COPS4: variants seen among roughly 807,000 people sequenced by gnomAD.
COPS4 encodes the protein COP9 signalosome complex subunit 4.
Under a neutral mutation model 55.1 loss-of-function variants are expected in COPS4, and 8 were observed. That is an observed-to-expected ratio of 0.15 (90% confidence interval 0.09 to 0.26). The LOEUF (loss-of-function observed/expected upper bound fraction) is 0.26. COPS4 is among the 10% of genes least tolerant of loss of function. The probability of loss-of-function intolerance (pLI) is 1.00; values close to 1 mark genes in which losing one functional copy is unlikely to be tolerated. For missense variants in COPS4, 248 were observed against 484.0 expected (o/e 0.51, Z 4.58); for synonymous variants, 185 against 165.7 (o/e 1.12, Z -0.90).
chr4:83,069,272 A>G (rs1731361716), intron 9 of COPS4, among the ~76,000 whole-genome samples: 1 of 151,962 alleles, frequency 6.6e-6, no homozygotes, highest in Non-Finnish European at 1.5e-5. Flanking sequence ...GAACTTTTCC[A>G]CTTGCAAAAT....
chr4:83,048,888 G>A (rs146422000), intron 2 of COPS4, among the ~76,000 whole-genome samples: 3,008 of 152,090 alleles, frequency 0.02, 107 homozygotes, highest in African/African-American at 0.069. Flanking sequence ...GTCGTGATCT[G>A]CCTGCCTCGG....
intron 6 of COPS4, among the ~76,000 whole-genome samples, chr4:83,059,876 A>AT (rs1731114445): frequency 1.3e-5 from 2 of 150,870 alleles, no homozygotes; most frequent in Admixed American, 6.6e-5. Flanking sequence ...AATTTTTTGT[A>AT]TTTTTTAGTA....
At chr4:83,053,335 A>G (rs921869726) in intron 4 of COPS4, among the ~76,000 whole-genome samples, 4 of 152,230 alleles carry the variant, frequency 2.6e-5, no homozygotes, top group African/African-American at 9.6e-5. Context: ...TGACAGCAAG[A>G]GAGGGACAAG....
At chr4:83,045,133 T>G (rs1347117769) in intron 1 of COPS4, among the ~76,000 whole-genome samples, 1 of 152,240 alleles carries the variant, frequency 6.6e-6, no homozygotes, top group African/African-American at 2.4e-5. Context: ...CTGGTCAACA[T>G]TATCCTATTG....
At chr4:83,052,730 G>A (rs1283918705) in intron 4 of COPS4, among the ~76,000 whole-genome samples, 3 of 152,108 alleles carry the variant, frequency 2.0e-5, no homozygotes, top group Admixed American at 6.6e-5. Context: ...GGGACTACAG[G>A]TGCACACCAC....
chr4:83,057,476 G>A, intron 6 of COPS4, 68 bp downstream of exon 6: 1 of 1,356,248 alleles, frequency 7.4e-7, no homozygotes, highest in Non-Finnish European at 9.9e-7. Context: ...GTTGGTTACT[G>A]TTGGAAAATT....
intron 6 of COPS4, among the ~76,000 whole-genome samples, chr4:83,061,152 T>G (rs140020508): frequency 7.1e-4 from 108 of 152,284 alleles, no homozygotes; most frequent in Admixed American, 2.4e-3. Flanking sequence ...TTTCCTTTTT[T>G]GTACTTTTAT....
intron 4 of COPS4, among the ~76,000 whole-genome samples, chr4:83,055,460 T>C (rs1255998254): frequency 6.6e-6 from 1 of 151,940 alleles, no homozygotes; most frequent in Admixed American, 6.6e-5. Context: ...TTTTTTTTTT[T>C]TGAGATGGAG....
chr4:83,068,513 C>G lies in COPS4; in HGVS notation c.1078C>G (p.His360Asp), dbSNP rs1471258813. The change falls in exon 9 of 10, where the codon CAT becomes GAT. Residue 360 changes from histidine to aspartate, a missense_variant. Coordinates refer to ENST00000264389, the MANE Select transcript of COPS4 (RefSeq NM_016129.3). ...TATTGACCAGATTGATGGAATAGTT[C>G]ATTTTGAAAGTAAGAGGTTTTGTGT... ...GFIDQIDGIV[H>D]FETREALPTW... 1 of 1,595,098 alleles carries G rather than the reference C, an allele frequency of 6.3e-7. No individual in the cohort carries two copies. The highest frequency in any genetic ancestry group is 1.7e-5 in the Admixed American group (1 of 59,870).
intron 1 of COPS4, among the ~76,000 whole-genome samples, chr4:83,037,390 G>C (rs183589774): frequency 6.6e-6 from 1 of 152,196 alleles, no homozygotes; most frequent in African/African-American, 2.4e-5. Context: ...AGGGAGACAC[G>C]ATTCATTGGA....
chr4:83,042,231 A>G (rs1730587770), intron 1 of COPS4, among the ~76,000 whole-genome samples: 1 of 152,228 alleles, frequency 6.6e-6, no homozygotes, highest in Non-Finnish European at 1.5e-5. Flanking sequence ...CTTCTCAGCC[A>G]TATGATCTTC....
At chr4:83,057,131 A>G (rs1275704756) in intron 5 of COPS4, 52 bp downstream of exon 5, 1 of 1,540,234 alleles carries the variant, frequency 6.5e-7, no homozygotes, top group East Asian at 2.3e-5. Context: ...ATTGTAACAT[A>G]CTAAGATGTT....
intron 1 of COPS4, chr4:83,035,958 T>G (rs1231752699): frequency 1.3e-5 from 2 of 152,540 alleles, no homozygotes; most frequent in Non-Finnish European, 2.9e-5. Flanking sequence ...TTATATAGAA[T>G]GCTTAGGTTC....
chr4:83,075,534 C>CT lies in COPS4; in HGVS notation c.*108dup, dbSNP rs981835045. ...ATCATGACCTTATACATTTCAATCC[C>CT]TTTTATGCTGGATTCCGTTTAAAGA... On this transcript the variant is annotated 3_prime_UTR_variant, in exon 10 of 10. Coordinates refer to ENST00000264389, the MANE Select transcript of COPS4 (RefSeq NM_016129.3). The CT allele has an allele frequency of 7.8e-7, 1 of 1,285,780 alleles. No individual in the cohort carries two copies. The highest frequency in any genetic ancestry group is 1.1e-6 in the Non-Finnish European group (1 of 931,860). 79.6% of individuals were successfully genotyped at this position (1,285,780 alleles called of 1,614,324 possible). A position where few individuals can be genotyped will look rare whatever the true frequency, so the allele number is the denominator to read the frequency against.
rs1038470220 is a variant in COPS4 at position 83,040,339 on chromosome 4, T to C, written c.74+5041T>C. 3.9e-5 allele frequency among the ~76,000 whole-genome samples: 6 copies of C among 152,354 alleles called. No individual in the cohort carries two copies. The South Asian group carries it at 1.2e-3, about 32-fold the overall frequency. The stretch of plus-strand genomic sequence containing the variant: ...TTTGACGTTTTGGTTGTTGCGATTG[T>C]CTGTTGCTTTTGTTGATTCTAGAGA... On this transcript the variant is annotated intron_variant, in intron 1 of 9. Coordinates refer to ENST00000264389, the MANE Select transcript of COPS4 (RefSeq NM_016129.3).
chr4:83,067,213 A>G (rs149573072), intron 8 of COPS4, among the ~76,000 whole-genome samples: 2 of 151,438 alleles, frequency 1.3e-5, no homozygotes, highest in East Asian at 3.9e-4. Context: ...TACTACAAGT[A>G]CACATCACCA....
At chr4:83,047,771 T>C (rs1318778127) in intron 2 of COPS4, among the ~76,000 whole-genome samples, 1 of 152,154 alleles carries the variant, frequency 6.6e-6, no homozygotes, top group Non-Finnish European at 1.5e-5. Context: ...GAGACCGAGA[T>C]GGGCGGATCA....
At chr4:83,060,278 G>C (rs1292681766) in intron 6 of COPS4, among the ~76,000 whole-genome samples, 1 of 150,694 alleles carries the variant, frequency 6.6e-6, no homozygotes, top group African/African-American at 2.4e-5. Flanking sequence ...CCGCCTCCTG[G>C]GTTCACGCCA....
At chr4:83,061,008 T>TG (rs1490345269) in intron 6 of COPS4, among the ~76,000 whole-genome samples, 6 of 150,662 alleles carry the variant, frequency 4.0e-5, no homozygotes, top group African/African-American at 1.2e-4. Flanking sequence ...CACTCCAGCC[T>TG]GGGTAACAGG....
Sources: allele counts gnomAD v4.1 joint callset (sites outside exome capture counted in the v4.1 genomes callset), GRCh38; gene constraint gnomAD v4.1.1; transcripts MANE v1.5; gene names NCBI Gene and HGNC (gene_info 2026-07-23, HGNC 2026-07-21).